The following ANK3 variants were observed in gnomAD, a reference collection of about 807,000 sequenced individuals.
The protein encoded by ANK3 is ankyrin-3.
Under a neutral mutation model 370.9 loss-of-function variants are expected in ANK3, and 57 were observed. That is an observed-to-expected ratio of 0.15 (90% confidence interval 0.12 to 0.19). The LOEUF (loss-of-function observed/expected upper bound fraction) is 0.19. ANK3 is among the 10% of genes least tolerant of loss of function. The pLI is 1.00. For missense variants in ANK3, 4,439 were observed against 5,302.1 expected, an observed-to-expected ratio of 0.84 and a Z score of 5.06; for synonymous variants, 1,929 against 1,946.3, an observed-to-expected ratio of 0.99 and a Z score of 0.23.
chr10:60,176,050 A>C (rs1365313708), intron 18 of ANK3, among the ~76,000 whole-genome samples: 1 of 152,050 alleles, frequency 6.6e-6, no homozygotes, highest in Non-Finnish European at 1.5e-5. Context: ...GGAAAAGATC[A>C]GGCCGGGTGT....
chr10:60,385,360 T>C (rs190742477), intron 1 of ANK3, among the ~76,000 whole-genome samples: 22 of 152,040 alleles, frequency 1.4e-4, no homozygotes, highest in Admixed American at 7.9e-4. Flanking sequence ...TCTGAGTGCA[T>C]CTGAGCCAGG....
intron 1 of ANK3, among the ~76,000 whole-genome samples, chr10:60,708,101 T>C (rs1380570048): frequency 6.6e-6 from 1 of 152,162 alleles, no homozygotes; most frequent in African/African-American, 2.4e-5. Context: ...TCAGAGGTTC[T>C]GCCAGGGAGC....
At chr10:60,586,196 T>C (rs1387763441) in intron 2 of ANK3, among the ~76,000 whole-genome samples, 1 of 152,160 alleles carries the variant, frequency 6.6e-6, no homozygotes, top group Non-Finnish European at 1.5e-5. Flanking sequence ...CAATAATCAC[T>C]TTAAATGTGA....
intron 23 of ANK3, among the ~76,000 whole-genome samples, chr10:60,157,525 C>CA (rs2095370129): frequency 6.6e-6 from 1 of 151,754 alleles, no homozygotes; most frequent in East Asian, 1.9e-4. Context: ...TTTATAGAGA[C>CA]AGAGTCTCCC....
chr10:60,073,162 A>G lies in ANK3; in HGVS notation c.7719T>C (p.Tyr2573=), dbSNP rs1403338593. Residue 2573 remains tyrosine (Y), a synonymous_variant, in exon 37 of 44, where the codon TAT becomes TAC. Transcript: ENST00000280772. ...RLDRGREKLI[Y]EDRVDRTVKE... ...TCACAGTCCTGTCCACCCTATCTTC[A>G]TATATCAACTTCTCTCTACCTCTGT... 1.2e-6 allele frequency: 2 copies of G among 1,614,062 alleles called. No individual in the cohort carries two copies. Among genetic ancestry groups the G allele is most frequent in the Admixed American group, 3.3e-5 (2 of 60,010 alleles).
chr10:60,431,079 T>C (rs1394638105), intron 2 of ANK3, among the ~76,000 whole-genome samples: 3 of 152,188 alleles, frequency 2.0e-5, no homozygotes, highest in African/African-American at 7.2e-5. Flanking sequence ...TTATATTTAT[T>C]GCGTACTTTG....
chr10:60,629,817 A>G (rs2078458592), intron 1 of ANK3, among the ~76,000 whole-genome samples: 1 of 152,208 alleles, frequency 6.6e-6, no homozygotes. Flanking sequence ...TATGTAATTT[A>G]TATTTTTTTA....
chr10:60,189,425 A>G lies in ANK3; in HGVS notation c.1888-2513T>C, dbSNP rs199680454. On this transcript the variant is annotated intron_variant, in intron 16 of 43. Transcript: ENST00000280772. ...CTCAGCTCTGTAATATATGCCAATT[A>G]CAGACAAATTACTATTATTGCTCAA... Among the ~76,000 whole-genome samples, 13 of 152,346 alleles carry G rather than the reference A, an allele frequency of 8.5e-5. No homozygotes were observed. The East Asian group carries it at 1.7e-3, about 20-fold the overall frequency.
In ANK3 at chr10:60,073,565, T is replaced by C; in HGVS notation, c.7316A>G (p.Lys2439Arg). ...TTCTATTGAGTGTTGACTCAAAAGC[T>C]TCAATGTTTTATAAGAGTCATCAGA... ...LISDDSYKTL[K>R]LLSQHSIEYH... Residue 2439 changes from lysine to arginine, a missense_variant, in exon 37 of 44, where the codon AAG becomes AGG. By Grantham distance (26) the Lys-to-Arg change is conservative. Around this residue, in one of 13 missense-constraint regions of ANK3, gnomAD observed 1,601 missense variants for 1,731.7 expected, o/e 0.92. Transcript: ENST00000280772. 6.2e-7 allele frequency: 1 copy of C among 1,614,066 alleles called. No individual in the cohort carries two copies. The highest frequency in any genetic ancestry group is 8.5e-7 in the Non-Finnish European group (1 of 1,179,998).
At chr10:60,430,048 A>C (rs1256538087) in intron 2 of ANK3, among the ~76,000 whole-genome samples, 1 of 152,232 alleles carries the variant, frequency 6.6e-6, no homozygotes, top group Non-Finnish European at 1.5e-5. Flanking sequence ...CAATCATATG[A>C]AGTTATATTT....
chr10:60,096,790 T>C (rs918688121), intron 28 of ANK3, among the ~76,000 whole-genome samples: 11 of 152,230 alleles, frequency 7.2e-5, no homozygotes, highest in African/African-American at 2.7e-4. Flanking sequence ...ATTACTTTTA[T>C]ATGGTTTTGT....
At chr10:60,031,521 C>G (rs756302044) in intron 43 of ANK3, among the ~76,000 whole-genome samples, 1 of 152,194 alleles carries the variant, frequency 6.6e-6, no homozygotes, top group Non-Finnish European at 1.5e-5. Context: ...AACTTGCATG[C>G]CTACCTGCCT....
intron 8 of ANK3, among the ~76,000 whole-genome samples, chr10:60,226,545 ATATAC>A (rs2097159301): frequency 5.2e-5 from 1 of 19,356 alleles, no homozygotes. Flanking sequence ...TACATAGTAT[ATATAC>A]TATAGTATAT....
intron 2 of ANK3, among the ~76,000 whole-genome samples, chr10:60,408,275 AC>A (rs757872703): frequency 1.4e-4 from 22 of 151,872 alleles, no homozygotes; most frequent in Non-Finnish European, 2.5e-4. Context: ...TTAATTGTCA[AC>A]CCCAGTGTTG....
intron 2 of ANK3, among the ~76,000 whole-genome samples, chr10:60,430,789 C>T (rs948439236): frequency 6.6e-6 from 1 of 151,762 alleles, no homozygotes; most frequent in African/African-American, 2.4e-5. Context: ...TTTCATAACA[C>T]AAATAGGTGT....
At chr10:60,160,371 T>A (rs1425751797) in intron 23 of ANK3, among the ~76,000 whole-genome samples, 2 of 151,902 alleles carry the variant, frequency 1.3e-5, no homozygotes, top group African/African-American at 4.8e-5. Context: ...ATAGAAAACT[T>A]TAATAGACTA....
intron 2 of ANK3, among the ~76,000 whole-genome samples, chr10:60,418,839 G>A: frequency 6.6e-6 from 1 of 151,988 alleles, no homozygotes; most frequent in South Asian, 2.1e-4. Context: ...TATTTATTTA[G>A]GGTGACCTTT....
rs889339764 is a variant in ANK3, at chr10:60,725,933, A to C, written c.57+7330T>G. On this transcript the variant is annotated intron_variant, in intron 1 of 43. Transcript: ENST00000373827. ...TACTCATCTATGCATTTATTTCATC[A>C]AATATTTTATTAAGAACTATGTACC... Among the ~76,000 whole-genome samples, 4 of 152,188 alleles carry C rather than the reference A, an allele frequency of 2.6e-5. No individual in the cohort carries two copies. The South Asian group carries it at 8.3e-4, about 32-fold the overall frequency.
At chr10:60,042,510 T>C (rs1048674763) in intron 43 of ANK3, among the ~76,000 whole-genome samples, 162 bp downstream of exon 43, 8 of 152,236 alleles carry the variant, frequency 5.3e-5, no homozygotes, top group Admixed American at 5.2e-4. Context: ...TGTGTGTATA[T>C]ATGCAAACAT....
Sources: allele counts gnomAD v4.1 joint callset (sites outside exome capture counted in the v4.1 genomes callset), GRCh38; gene constraint gnomAD v4.1.1; regional missense constraint gnomAD v4.1.1; transcripts MANE v1.5; gene names NCBI Gene and HGNC (gene_info 2026-07-23, HGNC 2026-07-21).